Variants in MAML2 observed in about 807,000 individuals in gnomAD.
MAML2 encodes mastermind-like protein 2.
MAML2 carries 22 observed loss-of-function variants against 96.1 expected under a neutral mutation model. The ratio of observed to expected loss-of-function variants is 0.23; its 90% confidence interval spans 0.16 to 0.33. The LOEUF (loss-of-function observed/expected upper bound fraction) is 0.33, where lower values mean the gene tolerates loss of function less well. MAML2 is among the 10% of genes least tolerant of loss of function. MAML2 has a pLI of 1.00. For missense variants in MAML2, 1,367 were observed against 1,392.4 expected (o/e 0.98, Z 0.29); for synonymous variants, 561 against 521.3 (o/e 1.08, Z -1.04).
intron 1 of MAML2, among the ~76,000 whole-genome samples, chr11:96,190,071 A>C (rs1158397174): frequency 2.6e-5 from 4 of 152,250 alleles, no homozygotes; most frequent in Non-Finnish European, 5.9e-5. Context: ...TTTAAAAGCC[A>C]ACATGGATGA....
chr11:96,180,891 G>C (rs1202023736), intron 1 of MAML2, among the ~76,000 whole-genome samples: 1 of 151,624 alleles, frequency 6.6e-6, no homozygotes, highest in Non-Finnish European at 1.5e-5. Context: ...ATAGGTAAAG[G>C]AAAATTACAG....
At chr11:96,266,766 C>A (rs747962194) in intron 1 of MAML2, among the ~76,000 whole-genome samples, 3 of 152,142 alleles carry the variant, frequency 2.0e-5, no homozygotes, top group Non-Finnish European at 4.4e-5. Flanking sequence ...GCTTCCTGTG[C>A]TATGACAGGC....
intron 2 of MAML2, among the ~76,000 whole-genome samples, chr11:96,070,750 G>T (rs954138393): frequency 6.6e-6 from 1 of 152,268 alleles, no homozygotes; most frequent in African/African-American, 2.4e-5. Flanking sequence ...AACAAGCCCA[G>T]TGGGCCGAAC....
chr11:96,274,089 T>G (rs1862951872), intron 1 of MAML2, among the ~76,000 whole-genome samples: 1 of 144,128 alleles, frequency 6.9e-6, no homozygotes, highest in Admixed American at 6.9e-5. Flanking sequence ...TTTTTTTTTT[T>G]TTTTTTTTTT....
intron 1 of MAML2, among the ~76,000 whole-genome samples, chr11:96,253,079 A>G (rs1488933055): frequency 6.6e-6 from 1 of 152,178 alleles, no homozygotes; most frequent in Non-Finnish European, 1.5e-5. Context: ...TCGCACAGAA[A>G]TACCCAAGGC....
At chr11:96,279,513 A>C (rs1045162692) in intron 1 of MAML2, among the ~76,000 whole-genome samples, 2 of 152,218 alleles carry the variant, frequency 1.3e-5, no homozygotes, top group African/African-American at 4.8e-5. Context: ...ATGTAAGGGA[A>C]GATACAGGAG....
chr11:96,109,362 G>A (rs1860080917), intron 1 of MAML2, among the ~76,000 whole-genome samples: 1 of 152,172 alleles, frequency 6.6e-6, no homozygotes, highest in African/African-American at 2.4e-5. Flanking sequence ...AAGCAGGGGA[G>A]TGACATGTCA....
rs536044081 is a variant in MAML2 at position 96,111,403 on chromosome 11, C to T, written c.514-17886G>A. 4.6e-5 allele frequency among the ~76,000 whole-genome samples: 7 copies of T among 152,220 alleles called. No individual in the cohort carries two copies. The East Asian group carries it at 9.6e-4, about 21-fold the overall frequency. ...CATACGCAGATGCAATTTATCTTTG[C>T]GCGCAGCTGGTCTGTGTGCATGTGT... On this transcript the variant is annotated intron_variant, in intron 1 of 4. Coordinates refer to ENST00000524717, the MANE Select transcript of MAML2 (RefSeq NM_032427.4).
chr11:96,304,884 A>G (rs1451431073), intron 1 of MAML2, among the ~76,000 whole-genome samples: 1 of 152,230 alleles, frequency 6.6e-6, no homozygotes, highest in Middle Eastern at 3.2e-3. Flanking sequence ...TGTTTCTTCT[A>G]TTTGAGAAGC....
At chr11:96,025,278 C>T (rs1314260243) in intron 2 of MAML2, among the ~76,000 whole-genome samples, 9 of 152,112 alleles carry the variant, frequency 5.9e-5, no homozygotes, top group Non-Finnish European at 1.2e-4. Context: ...GGTCATCATC[C>T]TAAGTGAATT....
chr11:96,017,609 G>A (rs935687521), intron 2 of MAML2, among the ~76,000 whole-genome samples: 5 of 152,108 alleles, frequency 3.3e-5, no homozygotes, highest in African/African-American at 9.7e-5. Flanking sequence ...GGCTGGAGGC[G>A]GGGTGTGTTG....
At chr11:96,205,664 C>G (rs1376166875) in intron 1 of MAML2, among the ~76,000 whole-genome samples, 1 of 152,222 alleles carries the variant, frequency 6.6e-6, no homozygotes, top group African/African-American at 2.4e-5. Flanking sequence ...AAAATAATTG[C>G]TCTTGCAGTA....
At chr11:96,262,799 G>C (rs1024486771) in intron 1 of MAML2, among the ~76,000 whole-genome samples, 1 of 152,144 alleles carries the variant, frequency 6.6e-6, no homozygotes, top group African/African-American at 2.4e-5. Flanking sequence ...ACTGCCCAAA[G>C]AATGGCAAGC....
chr11:96,039,936 C>T (rs1245685109), intron 2 of MAML2, among the ~76,000 whole-genome samples: 1 of 141,026 alleles, frequency 7.1e-6, no homozygotes, highest in East Asian at 2.1e-4. Flanking sequence ...CCAGCCTGAG[C>T]GACAGTGACA....
rs566688943 is a variant in MAML2, at chr11:96,040,806, C to T, written c.2140-49083G>A. On this transcript the variant is annotated intron_variant, in intron 2 of 4. Coordinates refer to ENST00000524717, the MANE Select transcript of MAML2 (RefSeq NM_032427.4). ...CAAAAGAAACCTCCTGTGTACTTCTCATAACTAACCACCCTGCCTAAGATA... is the reference window on the plus strand; with the variant it reads ...CAAAAGAAACCTCCTGTGTACTTCTTATAACTAACCACCCTGCCTAAGATA... Among the ~76,000 whole-genome samples the T allele has an allele frequency of 2.6e-5, 4 of 152,268 alleles. No homozygotes were observed. In the South Asian group the frequency reaches 8.3e-4, roughly 32 times the overall value.
chr11:96,239,946 T>C lies in MAML2; in HGVS notation c.513+101437A>G, dbSNP rs544735582. ...GGCAAATTAGGGAAACAATTGATTC[T>C]GAATAGGGTGGCTGTAGAGATCATT... On this transcript the variant is annotated intron_variant, in intron 1 of 4. Transcript: ENST00000524717. Among the ~76,000 whole-genome samples the C allele has an allele frequency of 2.6e-5, 4 of 152,342 alleles. No individual in the cohort carries two copies. In the South Asian group the frequency reaches 8.3e-4, roughly 32 times the overall value.
intron 2 of MAML2, among the ~76,000 whole-genome samples, chr11:96,068,778 T>C (rs7937962): frequency 0.83 from 124,430 of 149,358 alleles, 52,171 homozygotes; most frequent in Non-Finnish European, 0.86. Context: ...TGCAGTGAGC[T>C]GAGATGGCGC....
intron 2 of MAML2, among the ~76,000 whole-genome samples, 198 bp from the exon 3 acceptor site, chr11:95,991,921 T>A (rs1384893934): frequency 1.3e-5 from 2 of 152,024 alleles, no homozygotes; most frequent in African/African-American, 4.8e-5. Context: ...AGCAGCTGGG[T>A]TAATGACATT....
chr11:95,991,691 G>C lies in MAML2; in HGVS notation c.2172C>G (p.Gly724=), dbSNP rs374757612. The C allele has an allele frequency of 6.2e-7, 1 of 1,613,632 alleles. No homozygotes were observed. Among genetic ancestry groups the C allele is most frequent in the East Asian group, 2.2e-5 (1 of 44,876 alleles). ...AGCAGGGGTTAGGACTTGGACTGGG[G>C]CCTGTGTTCTGGCCTACCACAGAGT... ...DQHSVVGQNT[G]PSPSPNPCSN... Residue 724 remains glycine (G), a synonymous_variant, in exon 3 of 5, where the codon GGC becomes GGG. Transcript: ENST00000524717.
Sources: gnomAD v4.1 joint callset for allele counts (sites outside exome capture counted in the v4.1 genomes callset) on GRCh38, gnomAD v4.1.1 for gene constraint, MANE v1.5 for transcripts, NCBI Gene and HGNC (gene_info 2026-07-23, HGNC 2026-07-21) for gene names.